Variants in DOCK1 observed in about 807,000 individuals in gnomAD.
The protein encoded by DOCK1 is dedicator of cytokinesis protein 1.
In DOCK1, 138 loss-of-function variants were observed where a neutral mutation model predicts 262.7. The observed-to-expected ratio is 0.53, with a 90% CI of 0.46 to 0.61. The LOEUF is 0.61. Among genes scored for constraint, DOCK1 ranks in the 20% least tolerant of loss-of-function variants. The probability of loss-of-function intolerance (pLI) is 0.00; values close to 1 mark genes in which losing one functional copy is unlikely to be tolerated. For synonymous variants in DOCK1, 866 were observed against 867.4 expected (o/e 1.00, Z 0.03); for missense variants, 1,908 against 2,370.7 (o/e 0.80, Z 4.05).
intron 23 of DOCK1, among the ~76,000 whole-genome samples, chr10:127,082,924 G>A (rs1330671518): frequency 6.6e-6 from 1 of 152,160 alleles, no homozygotes; most frequent in Non-Finnish European, 1.5e-5. Context: ...GTCTTTGTGA[G>A]CAGGGATCTT....
chr10:127,082,796 C>T (rs2046981783), intron 23 of DOCK1, among the ~76,000 whole-genome samples: 1 of 152,100 alleles, frequency 6.6e-6, no homozygotes, highest in South Asian at 2.1e-4. Context: ...CACACCTAGC[C>T]CTGGGGAGCC....
intron 14 of DOCK1, 120 bp from the exon 15 acceptor site, chr10:127,024,565 G>T: frequency 1.3e-6 from 1 of 786,578 alleles, no homozygotes. Context: ...GTGTTCATTT[G>T]TGGTGGGGGT....
chr10:127,321,468 C>G (rs957663178), intron 29 of DOCK1, among the ~76,000 whole-genome samples: 4 of 150,558 alleles, frequency 2.7e-5, no homozygotes, highest in South Asian at 2.1e-4. Context: ...TCAGTGCTCT[C>G]TCATTGATTT....
intron 27 of DOCK1, among the ~76,000 whole-genome samples, chr10:127,245,106 T>C (rs1483578460): frequency 6.6e-6 from 1 of 152,206 alleles, no homozygotes; most frequent in Non-Finnish European, 1.5e-5. Context: ...GCTGTGTTCA[T>C]GGAAACCATA....
At chr10:126,989,092 A>G (rs1248416286) in intron 5 of DOCK1, among the ~76,000 whole-genome samples, 1 of 148,282 alleles carries the variant, frequency 6.7e-6, no homozygotes, top group South Asian at 2.1e-4. Flanking sequence ...AAAAAAATGC[A>G]TTTTTTTGCT....
intron 29 of DOCK1, among the ~76,000 whole-genome samples, chr10:127,281,272 G>A (rs1220444077): frequency 6.6e-6 from 1 of 152,216 alleles, no homozygotes; most frequent in Admixed American, 6.5e-5. Context: ...AAGAAAGAAG[G>A]ATTAGCTCAT....
intron 16 of DOCK1, 22 bp from the exon 17 acceptor site, chr10:127,031,628 T>A (rs772263713): frequency 6.3e-7 from 1 of 1,576,494 alleles, no homozygotes; most frequent in South Asian, 1.1e-5. Flanking sequence ...AATCATCAAT[T>A]TTTTTGTTTT....
intron 47 of DOCK1, among the ~76,000 whole-genome samples, chr10:127,432,085 T>C (rs763055601): frequency 5.3e-5 from 8 of 152,166 alleles, no homozygotes; most frequent in Non-Finnish European, 1.0e-4. Context: ...GGTGCAACAG[T>C]TTCATCCTGA....
chr10:127,411,745 C>T (rs998184970), intron 43 of DOCK1, among the ~76,000 whole-genome samples: 8 of 152,030 alleles, frequency 5.3e-5, no homozygotes, highest in South Asian at 2.1e-4. Flanking sequence ...GAGGCTGAGG[C>T]GGGAGAATCG....
At chr10:127,045,945 T>C (rs1028906699) in intron 21 of DOCK1, among the ~76,000 whole-genome samples, 1 of 152,230 alleles carries the variant, frequency 6.6e-6, no homozygotes, top group Admixed American at 6.5e-5. Context: ...TTATTTATTT[T>C]CTTTTTGCTG....
intron 27 of DOCK1, among the ~76,000 whole-genome samples, chr10:127,234,868 C>T (rs992008230): frequency 6.7e-6 from 1 of 150,218 alleles, no homozygotes; most frequent in Non-Finnish European, 1.5e-5. Context: ...GCTTATAGGA[C>T]ATGGTGATTT....
chr10:127,341,648 G>A (rs1467590981), intron 30 of DOCK1, among the ~76,000 whole-genome samples: 3 of 152,126 alleles, frequency 2.0e-5, no homozygotes, highest in Admixed American at 2.0e-4. Context: ...AGTTGTGGCT[G>A]CTCTGGTGGG....
At chr10:126,978,011 A>G in intron 3 of DOCK1, 23 bp downstream of exon 3, 1 of 1,609,918 alleles carries the variant, frequency 6.2e-7, no homozygotes, top group African/African-American at 1.3e-5. Context: ...TCTTAAACAC[A>G]GTGCATGTCT....
At chr10:127,118,486 C>A (rs542286010) in intron 25 of DOCK1, among the ~76,000 whole-genome samples, 1 of 152,202 alleles carries the variant, frequency 6.6e-6, no homozygotes, top group Non-Finnish European at 1.5e-5. Flanking sequence ...TCTGCTCCCC[C>A]ACTGCCTTCC....
chr10:127,128,622 T>C (rs990441827), intron 27 of DOCK1, among the ~76,000 whole-genome samples: 31 of 152,292 alleles, frequency 2.0e-4, no homozygotes, highest in African/African-American at 6.7e-4. Flanking sequence ...CTCCCACTTA[T>C]GAGTGAGAAC....
chr10:127,106,298 T>A lies in DOCK1; in HGVS notation c.2513T>A (p.Leu838His). ...AAATTGGTGTTTGATCCCAAAGAGC[T>A]CAGGTAAGTATGCAGCCCAGGCGAA... ...DVKLVFDPKE[L>H]SKMFTEFILN... The change falls in exon 24 of 52, where the codon CTC (leucine) becomes CAC (histidine). Residue 838 changes from leucine to histidine, a missense_variant. Physicochemically the swap from Leu to His is moderately conservative, Grantham distance 99 (BLOSUM62 -3). This residue lies in a region of DOCK1 where 518 missense variants were observed against 575.1 expected (regional missense o/e 0.90). Coordinates refer to ENST00000623213, the MANE Select transcript of DOCK1 (RefSeq NM_001290223.2). 1 of 1,595,752 alleles carries A rather than the reference T, an allele frequency of 6.3e-7. No individual in the cohort carries two copies. The highest frequency in any genetic ancestry group is 1.1e-5 in the South Asian group (1 of 87,644).
chr10:126,932,213 C>A (rs1019703553), intron 1 of DOCK1, among the ~76,000 whole-genome samples: 1 of 152,182 alleles, frequency 6.6e-6, no homozygotes, highest in Admixed American at 6.5e-5. Flanking sequence ...GGACTTGGAT[C>A]AGCTGATGAC....
Position 126,999,449 on chromosome 10 carries a change from A to T in DOCK1, c.849+14A>T. On this transcript the variant is annotated intron_variant, in intron 9 of 51. Coordinates refer to ENST00000623213, the MANE Select transcript of DOCK1 (RefSeq NM_001290223.2). ...GCCGTGTTTACTGTAAGTGCACCCA[A>T]AGATGCTTAGTTGAATTGGCTACCA... 1 of 1,608,848 alleles carries T rather than the reference A, an allele frequency of 6.2e-7. No individual in the cohort carries two copies. The highest frequency in any genetic ancestry group is 1.1e-5 in the South Asian group (1 of 90,416).
At chr10:127,366,610 C>T (rs1332633857) in intron 33 of DOCK1, among the ~76,000 whole-genome samples, 1 of 152,216 alleles carries the variant, frequency 6.6e-6, no homozygotes, top group Non-Finnish European at 1.5e-5. Flanking sequence ...CTTTCTGACT[C>T]CAGTTCCACC....
Sources: gnomAD v4.1 joint callset for allele counts (sites outside exome capture counted in the v4.1 genomes callset) on GRCh38, gnomAD v4.1.1 for gene constraint, gnomAD v4.1.1 regional missense constraint, MANE v1.5 for transcripts, NCBI Gene and HGNC (gene_info 2026-07-23, HGNC 2026-07-21) for gene names.